The following RDX variants were observed in gnomAD, a reference collection of about 807,000 sequenced individuals.
RDX encodes the protein radixin, also known as deafness, autosomal recessive 24.
In RDX, 32 loss-of-function variants were observed where a neutral mutation model predicts 83.7. The ratio of observed to expected loss-of-function variants is 0.38; its 90% CI spans 0.29 to 0.51. The LOEUF is 0.51. Ranked by LOEUF, RDX falls within the 20% of genes least tolerant of loss-of-function variation. The pLI, the probability that RDX is intolerant of heterozygous loss-of-function variation, is 0.87. For synonymous variants in RDX, 229 were observed against 222.7 expected, an observed-to-expected ratio of 1.03 and a Z score of -0.25; for missense variants, 600 against 689.9, an observed-to-expected ratio of 0.87 and a Z score of 1.46.
intron 15 of RDX, among the ~76,000 whole-genome samples, chr11:110,184,541 C>G (rs56790557): frequency 0.049 from 7,462 of 152,178 alleles, 616 homozygotes; most frequent in African/African-American, 0.17. Flanking sequence ...TGATGGAAAT[C>G]GGCAGAGGGA....
At chr11:110,181,664 C>T (rs1025759583) in intron 15 of RDX, 2 of 152,428 alleles carry the variant, frequency 1.3e-5, no homozygotes, top group Non-Finnish European at 2.9e-5. Context: ...AAGGGTGGTC[C>T]CAGAAATGGC....
At chr11:110,221,793 T>A (rs955335376) in intron 14 of RDX, among the ~76,000 whole-genome samples, 1 of 152,210 alleles carries the variant, frequency 6.6e-6, no homozygotes, top group African/African-American at 2.4e-5. Context: ...CTCTCATTTC[T>A]GTATCTCCTG....
Position 110,232,015 on chromosome 11 carries a change from C to T in RDX, c.1606G>A (p.Ala536Thr), listed in dbSNP as rs768846725. The change falls in exon 14 of 14, where the codon GCC becomes ACC. Residue 536 changes from alanine (A) to threonine (T), a missense_variant. By Grantham distance (58) the Ala-to-Thr change is moderately conservative (BLOSUM62 0). Transcript: ENST00000645495. ...KQLQALSSEL[A>T]QARDETKKTQ... The stretch of plus-strand genomic sequence containing the variant: ...TTCTTGGTTTCATCTCTGGCTTGGG[C>T]TAATTCTGAACTTAATGCCTATTTA... 3.1e-6 allele frequency: 5 copies of T among 1,613,576 alleles called. No individual in the cohort carries two copies. In the Admixed American group the frequency reaches 5.0e-5, roughly 16 times the overall value.
rs933865446 is a variant in RDX at position 110,260,634 on chromosome 11, T to C, written c.468-2445A>G. Among the ~76,000 whole-genome samples the C allele has an allele frequency of 7.2e-5, 11 of 152,278 alleles. No homozygotes were observed. In the South Asian group the frequency reaches 1.9e-3, roughly 26 times the overall value. On this transcript the variant is annotated intron_variant, in intron 5 of 13. Transcript: ENST00000645495. ...CTTCTAGTATAGAATTATTCTTGAA[T>C]CTGTGGCCAGTGTCTCAGTACAGTT...
At chr11:110,196,090 C>T (rs1863202081) in intron 15 of RDX, 1 of 152,216 alleles carries the variant, frequency 6.6e-6, no homozygotes, top group African/African-American at 2.4e-5. Context: ...AGATTGCAGA[C>T]TTTGGGGGAT....
chr11:110,186,728 T>A (rs1862995929), intron 15 of RDX, among the ~76,000 whole-genome samples: 1 of 152,136 alleles, frequency 6.6e-6, no homozygotes, highest in African/African-American at 2.4e-5. Flanking sequence ...AGCATTTCAT[T>A]TCTCCCAAGC....
chr11:110,231,643 G>A lies in RDX; in HGVS notation c.*226C>T, dbSNP rs1864639432. ...AAAAAAAATGTGAAAAGAGGCAATGGAACACCATTCTCCATTCCCTGGACC... is the reference window on the plus strand; with the variant it reads ...AAAAAAAATGTGAAAAGAGGCAATGAAACACCATTCTCCATTCCCTGGACC... On this transcript the variant is annotated 3_prime_UTR_variant, in exon 14 of 14. Coordinates refer to ENST00000645495, the MANE Select transcript of RDX (RefSeq NM_002906.4). 2 of 571,638 alleles carry A rather than the reference G, an allele frequency of 3.5e-6. No homozygotes were observed. The highest frequency in any genetic ancestry group is 1.9e-5 in the African/African-American group (1 of 53,204). 35.4% of individuals were successfully genotyped at this position (571,638 alleles called of 1,614,324 possible).
In RDX at chr11:110,229,554, A is replaced by G. The variant is rs1864545154; in HGVS notation, c.*2315T>C. ...AAAATTATGCTAATGGTAAAAGCCTACTGGGATTTACCAAATACTCATTAG... is the reference window on the plus strand; with the variant it reads ...AAAATTATGCTAATGGTAAAAGCCTGCTGGGATTTACCAAATACTCATTAG... On this transcript the variant is annotated 3_prime_UTR_variant, in exon 14 of 14. Transcript: ENST00000645495. 6.6e-6 allele frequency: 1 copy of G among 152,508 alleles called. No individual in the cohort carries two copies. Among genetic ancestry groups the G allele is most frequent in the South Asian group, 2.1e-4 (1 of 4,830 alleles). The allele number at this position is 152,508 out of a possible 1,614,324, so 9.4% of individuals were successfully genotyped here. A position where few individuals can be genotyped will look rare whatever the true frequency, so the allele number is the denominator to read the frequency against.
At chr11:110,184,877 T>A (rs996686689) in intron 15 of RDX, among the ~76,000 whole-genome samples, 1 of 152,188 alleles carries the variant, frequency 6.6e-6, no homozygotes, top group Admixed American at 6.5e-5. Context: ...AAAACATATC[T>A]ACCTGTTAGA....
intron 7 of RDX, among the ~76,000 whole-genome samples, chr11:110,256,835 T>C (rs1054020672): frequency 6.6e-6 from 1 of 152,218 alleles, no homozygotes; most frequent in Non-Finnish European, 1.5e-5. Flanking sequence ...GAGAAGATAT[T>C]AGGGTAAAAA....
intron 9 of RDX, among the ~76,000 whole-genome samples, chr11:110,250,643 T>C (rs1347275423): frequency 1.3e-5 from 2 of 148,818 alleles, no homozygotes; most frequent in Admixed American, 6.8e-5. Context: ...GAAGGAGATA[T>C]GGAAGCAGAA....
At chr11:110,288,864 C>G (rs1861094950) in intron 1 of RDX, among the ~76,000 whole-genome samples, 1 of 152,140 alleles carries the variant, frequency 6.6e-6, no homozygotes, top group Non-Finnish European at 1.5e-5. Flanking sequence ...ATAGTTTCCT[C>G]TCTTTTTTTA....
chr11:110,224,169 A>G (rs1467729919), intron 14 of RDX, among the ~76,000 whole-genome samples: 2 of 151,988 alleles, frequency 1.3e-5, no homozygotes, highest in Non-Finnish European at 2.9e-5. Context: ...ATCCTGTCAT[A>G]ATGAGCTGAA....
At chr11:110,198,242 T>C (rs1402953482) in intron 15 of RDX, among the ~76,000 whole-genome samples, 2 of 151,826 alleles carry the variant, frequency 1.3e-5, no homozygotes, top group Non-Finnish European at 2.9e-5. Context: ...ACAACATTGT[T>C]GTGGTTTTAT....
intron 12 of RDX, among the ~76,000 whole-genome samples, chr11:110,234,672 T>A (rs546354058): frequency 5.3e-5 from 8 of 152,168 alleles, no homozygotes; most frequent in Admixed American, 2.0e-4. Context: ...TCATAAATCA[T>A]CCCTAAAAGG....
At chr11:110,287,982 T>C (rs1216236776) in intron 1 of RDX, among the ~76,000 whole-genome samples, 1 of 152,226 alleles carries the variant, frequency 6.6e-6, no homozygotes, top group East Asian at 1.9e-4. Context: ...AAGTAGGCTA[T>C]TAAAGCTCTC....
At chr11:110,239,071 G>A (rs1185475528) in intron 10 of RDX, among the ~76,000 whole-genome samples, 2 of 152,002 alleles carry the variant, frequency 1.3e-5, no homozygotes, top group Non-Finnish European at 2.9e-5. Context: ...TTGAGGCCAG[G>A]AGTTTGAGAC....
chr11:110,184,649 T>C (rs1862951045), intron 15 of RDX, among the ~76,000 whole-genome samples: 1 of 152,148 alleles, frequency 6.6e-6, no homozygotes, highest in Non-Finnish European at 1.5e-5. Context: ...ACAGCCACAC[T>C]GTGCCAGGAA....
intron 14 of RDX, among the ~76,000 whole-genome samples, chr11:110,215,168 G>A (rs1863996732): frequency 6.7e-6 from 1 of 150,090 alleles, no homozygotes; most frequent in Non-Finnish European, 1.5e-5. Flanking sequence ...AGACAATCCT[G>A]GCTAACATGG....
Sources: allele counts gnomAD v4.1 joint callset (sites outside exome capture counted in the v4.1 genomes callset), GRCh38; gene constraint gnomAD v4.1.1; transcripts MANE v1.5; gene names NCBI Gene and HGNC (gene_info 2026-07-23, HGNC 2026-07-21).